The following MYEF2 variants were observed in gnomAD, a reference collection of about 807,000 sequenced individuals.
MYEF2 encodes the protein myelin expression factor 2.
In MYEF2, 37 loss-of-function variants were observed where a neutral mutation model predicts 75.2. The ratio of observed to expected loss-of-function variants is 0.49; its 90% CI spans 0.38 to 0.65. The LOEUF (loss-of-function observed/expected upper bound fraction) is 0.65, where lower values mean the gene tolerates loss of function less well. Ranked by LOEUF, MYEF2 falls within the 30% of genes least tolerant of loss-of-function variation. MYEF2 has a pLI of 0.00. For synonymous variants in MYEF2, 195 were observed against 241.6 expected (o/e 0.81, Z 1.79); for missense variants, 634 against 771.4 (o/e 0.82, Z 2.11).
intron 1 of MYEF2, among the ~76,000 whole-genome samples, chr15:48,176,958 C>A (rs891007019): frequency 5.3e-5 from 8 of 152,178 alleles, no homozygotes; most frequent in Admixed American, 3.3e-4. Context: ...CTGGGGAGAG[C>A]TACCCCATCT....
Position 48,166,142 on chromosome 15 carries a change from G to C in MYEF2, c.424-14C>G. 6.4e-7 allele frequency: 1 copy of C among 1,560,956 alleles called. No individual in the cohort carries two copies. The highest frequency in any genetic ancestry group is 1.2e-5 in the South Asian group (1 of 86,460). On this transcript the variant is annotated splice_polypyrimidine_tract_variant and intron_variant, in intron 3 of 16. Coordinates refer to ENST00000324324, the MANE Select transcript of MYEF2 (RefSeq NM_016132.5). ...TTACCCACAACCCTATATCCAGGTA[G>C]ATTTGTCAAAATATGCAAAAGAAAA... is the stretch of plus-strand genomic sequence containing the variant.
At chr15:48,169,269 A>G (rs1051792697) in intron 1 of MYEF2, among the ~76,000 whole-genome samples, 1 of 152,202 alleles carries the variant, frequency 6.6e-6, no homozygotes, top group Non-Finnish European at 1.5e-5. Flanking sequence ...GATACTCTGA[A>G]AAAGTTCATC....
In MYEF2 at chr15:48,134,771, T is replaced by C. The variant is rs2038855050; in HGVS notation, c.*8137A>G. ...TTTACATTTTTTTCTCTAAGCAATA[T>C]GCAAAAGATAACAATATTTAACTAC... On this transcript the variant is annotated 3_prime_UTR_variant, in exon 17 of 17. Coordinates refer to ENST00000324324, the MANE Select transcript of MYEF2 (RefSeq NM_016132.5). 2.2e-6 allele frequency: 2 copies of C among 894,854 alleles called. No homozygotes were observed. 55.4% of individuals were successfully genotyped at this position (894,854 alleles called of 1,614,324 possible). A position where few individuals can be genotyped will look rare whatever the true frequency, so the allele number is the denominator to read the frequency against.
intron 3 of MYEF2, among the ~76,000 whole-genome samples, chr15:48,167,003 C>CA (rs2040156579): frequency 6.6e-6 from 1 of 151,804 alleles, no homozygotes; most frequent in South Asian, 2.1e-4. Context: ...CTATAGCCCT[C>CA]AAAAAACTCA....
chr15:48,142,357 T>C lies in MYEF2; in HGVS notation c.*551A>G, dbSNP rs369254442. On this transcript the variant is annotated 3_prime_UTR_variant, in exon 17 of 17. Coordinates refer to ENST00000324324, the MANE Select transcript of MYEF2 (RefSeq NM_016132.5). The stretch of plus-strand genomic sequence containing the variant: ...TAAGGGGCTGTGGAGGTTGATATTA[T>C]TAATAGTGTTATGCAGAAAATATGA... 1.3e-6 allele frequency: 2 copies of C among 1,551,842 alleles called. No homozygotes were observed. Among genetic ancestry groups the C allele is most frequent in the Non-Finnish European group, 1.8e-6 (2 of 1,140,940 alleles).
intron 2 of MYEF2, among the ~76,000 whole-genome samples, chr15:48,167,736 T>C (rs1193729468): frequency 6.6e-6 from 1 of 152,066 alleles, no homozygotes; most frequent in African/African-American, 2.4e-5. Flanking sequence ...ACATCAACAT[T>C]AGCACTTTTC....
chr15:48,158,646 GACT>G (rs2140881076), intron 7 of MYEF2, 120 bp downstream of exon 7: 1 of 1,152,656 alleles, frequency 8.7e-7, no homozygotes, highest in African/African-American at 1.5e-5. Context: ...ATTTGCTGGA[GACT>G]AAAGTCTAAC....
Position 48,142,684 on chromosome 15 carries a change from C to A in MYEF2, c.*224G>T. On this transcript the variant is annotated 3_prime_UTR_variant, in exon 17 of 17. Transcript: ENST00000324324. Reference sequence around the variant, plus strand: ...CTTATTTCATTAAAAACAGTATAACCATTCATTTAAACTGAATGACCAGAC... The same window carrying A: ...CTTATTTCATTAAAAACAGTATAACAATTCATTTAAACTGAATGACCAGAC... 1 of 490,942 alleles carries A rather than the reference C, an allele frequency of 2.0e-6. No homozygotes were observed. The highest frequency in any genetic ancestry group is 3.5e-6 in the Non-Finnish European group (1 of 285,358). 30.4% of individuals were successfully genotyped at this position (490,942 alleles called of 1,614,324 possible). A position where few individuals can be genotyped will look rare whatever the true frequency, so the allele number is the denominator to read the frequency against.
Position 48,153,913 on chromosome 15 carries a change from A to T in MYEF2, c.986-20T>A. ...GACCACCTAAAACAAAAATGAGAAC[A>T]ATCATTACAAAGATCCATATATGAT... On this transcript the variant is annotated intron_variant, in intron 9 of 16. Transcript: ENST00000324324. The T allele has an allele frequency of 6.3e-7, 1 of 1,595,898 alleles. No individual in the cohort carries two copies. Among genetic ancestry groups the T allele is most frequent in the East Asian group, 2.2e-5 (1 of 44,688 alleles).
At chr15:48,174,428 C>A (rs569943924) in intron 1 of MYEF2, among the ~76,000 whole-genome samples, 2 of 149,616 alleles carry the variant, frequency 1.3e-5, no homozygotes, top group East Asian at 1.9e-4. Flanking sequence ...AAAGCACAGA[C>A]AACACAAACA....
intron 10 of MYEF2, 175 bp from the exon 11 acceptor site, chr15:48,152,459 C>CTTCA: frequency 2.0e-6 from 1 of 510,716 alleles, no homozygotes; most frequent in East Asian, 3.2e-5. Flanking sequence ...GCTGTCTAAT[C>CTTCA]ATGAATCTTC....
chr15:48,141,035 A>G lies in MYEF2; in HGVS notation c.*1873T>C, dbSNP rs2039062600. 1 of 1,192,508 alleles carries G rather than the reference A, an allele frequency of 8.4e-7. No homozygotes were observed. Among genetic ancestry groups the G allele is most frequent in the Admixed American group, 2.0e-5 (1 of 51,240 alleles). The allele number at this position is 1,192,508 out of a possible 1,614,324, so 73.9% of individuals were successfully genotyped here. A position where few individuals can be genotyped will look rare whatever the true frequency, so the allele number is the denominator to read the frequency against. On this transcript the variant is annotated 3_prime_UTR_variant, in exon 17 of 17. Coordinates refer to ENST00000324324, the MANE Select transcript of MYEF2 (RefSeq NM_016132.5). ...GTGCCTATTTTATTTTTGTTCACGA[A>G]GGAAATATCCAAAATAACTGCAAAG...
Position 48,178,108 on chromosome 15 carries a change from G to A in MYEF2, c.130C>T (p.Gln44Ter). Residue 44 changes from glutamine (Q) to a stop codon, truncating the protein, a stop_gained, in exon 1 of 17, where the codon CAG becomes TAG. Transcript: ENST00000324324. LOFTEE classifies it high-confidence loss of function. ...HPAEAEKQQP[Q>*]HSSSSNGVKM... is the part of the protein sequence containing the mutation. ...ACGCCATTGGAGCTGCTGCTGTGCTGCGGCTGCTGCTTCTCCGCCTCCGCG... is the reference window on the plus strand; with the variant it reads ...ACGCCATTGGAGCTGCTGCTGTGCTACGGCTGCTGCTTCTCCGCCTCCGCG... 6.3e-7 allele frequency: 1 copy of A among 1,597,324 alleles called. No individual in the cohort carries two copies. Among genetic ancestry groups the A allele is most frequent in the Non-Finnish European group, 8.5e-7 (1 of 1,172,794 alleles).
At chr15:48,171,137 G>A (rs1210631069) in intron 1 of MYEF2, among the ~76,000 whole-genome samples, 1 of 152,176 alleles carries the variant, frequency 6.6e-6, no homozygotes, top group East Asian at 1.9e-4. Context: ...CCTTTTCTCT[G>A]GTTTCTGAGT....
At chr15:48,144,113 C>T (rs2039188913) in intron 16 of MYEF2, among the ~76,000 whole-genome samples, 1 of 151,828 alleles carries the variant, frequency 6.6e-6, no homozygotes, top group African/African-American at 2.4e-5. Context: ...TCACTATGGG[C>T]TAATTTTAGT....
At chr15:48,146,560 A>G (rs189367569) in intron 16 of MYEF2, among the ~76,000 whole-genome samples, 16 of 152,144 alleles carry the variant, frequency 1.1e-4, no homozygotes, top group Admixed American at 9.8e-4. Context: ...TACTCCATCA[A>G]GAACAGTTAA....
chr15:48,154,396 T>C (rs1310835136), intron 9 of MYEF2, among the ~76,000 whole-genome samples: 1 of 152,162 alleles, frequency 6.6e-6, no homozygotes, highest in Admixed American at 6.6e-5. Context: ...TTTATATTTA[T>C]ATGGCACCTT....
At chr15:48,158,265 A>G (rs1168435624) in intron 7 of MYEF2, 41 bp from the exon 8 acceptor site, 9 of 1,574,392 alleles carry the variant, frequency 5.7e-6, no homozygotes, top group Non-Finnish European at 6.1e-6. Flanking sequence ...GATAACTATA[A>G]AATTATAACA....
intron 1 of MYEF2, among the ~76,000 whole-genome samples, chr15:48,175,405 T>C (rs887337573): frequency 9.2e-5 from 14 of 152,178 alleles, no homozygotes; most frequent in Non-Finnish European, 2.1e-4. Flanking sequence ...ATAGTGACTA[T>C]ACTTAACATA....
Sources: allele counts gnomAD v4.1 joint callset (sites outside exome capture counted in the v4.1 genomes callset), GRCh38; gene constraint gnomAD v4.1.1; transcripts MANE v1.5; gene names NCBI Gene and HGNC (gene_info 2026-07-23, HGNC 2026-07-21).